The following PCDHA5 variants were observed in gnomAD, a reference collection of about 807,000 sequenced individuals.
PCDHA5 encodes protocadherin alpha 5, also known as protocadherin alpha-5.
In PCDHA5, 43 loss-of-function variants were observed where a neutral mutation model predicts 61.6. The observed-to-expected ratio is 0.70, with a 90% confidence interval of 0.55 to 0.90. PCDHA5 has a LOEUF of 0.90. Among genes scored for constraint, PCDHA5 ranks in the 40% least tolerant of loss-of-function variants. PCDHA5 has a pLI of 0.00. For synonymous variants in PCDHA5, 627 were observed against 543.9 expected, an observed-to-expected ratio of 1.15 and a Z score of -2.13; for missense variants, 1,298 against 1,222.7, an observed-to-expected ratio of 1.06 and a Z score of -0.92.
intron 1 of PCDHA5, chr5:140,882,698 G>GA: frequency 6.2e-7 from 1 of 1,614,200 alleles, no homozygotes; most frequent in Non-Finnish European, 8.5e-7. Flanking sequence ...AATCATTGCA[G>GA]AATCTAGACC....
rs2150361317 is a variant in PCDHA5, at chr5:140,843,502, C to A, written c.2352+19375C>A. The A allele has an allele frequency of 3.1e-6, 5 of 1,595,926 alleles. 1 individual carries two copies. The highest frequency in any genetic ancestry group is 4.3e-6 in the Non-Finnish European group (5 of 1,165,570). On this transcript the variant is annotated intron_variant, in intron 1 of 3. Transcript: ENST00000529859. ...CTGCGCTGCGGTGCTCAGCACTGCC[C>A]ACTGAGGGCGGGTGCCGGGCGGGCA...
intron 1 of PCDHA5, among the ~76,000 whole-genome samples, chr5:140,900,909 G>T (rs1470878423): frequency 1.3e-5 from 2 of 152,184 alleles, no homozygotes; most frequent in Middle Eastern, 3.4e-3. Context: ...TTTAACTGTG[G>T]TAAGATGATA....
intron 1 of PCDHA5, chr5:140,861,317 C>T (rs1369177112): frequency 4.6e-6 from 1 of 217,818 alleles, no homozygotes; most frequent in Admixed American, 5.2e-5. Context: ...GGACCAGTTC[C>T]ACTACACCAT....
At chr5:140,984,790 G>A (rs2097121430) in intron 3 of PCDHA5, among the ~76,000 whole-genome samples, 1 of 152,104 alleles carries the variant, frequency 6.6e-6, no homozygotes, top group Admixed American at 6.5e-5. Flanking sequence ...GGTGAGCATA[G>A]ACAAACTGCC....
At position 140,823,576 on chromosome 5, in the gene PCDHA5, G is replaced by A. The variant is rs2150127070; in HGVS notation, c.1801G>A (p.Gly601Ser). 4 of 1,613,976 alleles carry A rather than the reference G, an allele frequency of 2.5e-6. No individual in the cohort carries two copies. In the East Asian group the frequency reaches 6.7e-5, roughly 27 times the overall value. The change falls in exon 1 of 4, where the codon GGC (glycine) becomes AGC (serine). Residue 601 changes from glycine (G) to serine (S), a missense_variant. By Grantham distance (56) the Gly-to-Ser change is moderately conservative. Coordinates refer to ENST00000529859, the MANE Select transcript of PCDHA5 (RefSeq NM_018908.3). ...AKVRAVDPDS[G>S]YNAWLSYELQ... ...GGTGCGCGCAGTGGACCCTGATTCG[G>A]GCTACAACGCTTGGCTTTCGTATGA...
chr5:140,914,528 A>G (rs1333576504), intron 1 of PCDHA5, among the ~76,000 whole-genome samples: 2 of 152,114 alleles, frequency 1.3e-5, no homozygotes, highest in African/African-American at 4.8e-5. Flanking sequence ...TCATCCATTC[A>G]GCCACTTTAT....
intron 1 of PCDHA5, chr5:140,969,509 C>A: frequency 7.1e-7 from 1 of 1,416,136 alleles, no homozygotes; most frequent in Non-Finnish European, 9.4e-7. Context: ...AAAAATAGCA[C>A]TAAAGAATTG....
intron 1 of PCDHA5, chr5:140,828,097 G>A: frequency 6.2e-7 from 1 of 1,606,162 alleles, no homozygotes; most frequent in Non-Finnish European, 8.5e-7. Flanking sequence ...TTGACATGGT[G>A]TTTACCCCGG....
rs1465776999 is a variant in PCDHA5 at position 140,824,628 on chromosome 5, TTTTTA to T, written c.2352+506_2352+510del. ...AATTAAAGTTTTTTTTTTTTTTTTT[TTTTTA>T]TTTTCTGTAGAGATAGGGGTCTTGC... On this transcript the variant is annotated intron_variant, in intron 1 of 3. Coordinates refer to ENST00000529859, the MANE Select transcript of PCDHA5 (RefSeq NM_018908.3). The T allele has an allele frequency of 8.8e-4, 116 of 131,430 alleles. 1 individual carries two copies. Among genetic ancestry groups the T allele is most frequent in the African/African-American group, 3.0e-3 (87 of 28,634 alleles). 8.1% of individuals were successfully genotyped at this position (131,430 alleles called of 1,614,324 possible). A position where few individuals can be genotyped will look rare whatever the true frequency, so the allele number is the denominator to read the frequency against.
chr5:140,889,583 G>C (rs1373487919), intron 1 of PCDHA5, among the ~76,000 whole-genome samples: 1 of 151,554 alleles, frequency 6.6e-6, no homozygotes, highest in African/African-American at 2.4e-5. Context: ...TTTTGTTTTT[G>C]CTTTGAAATA....
chr5:140,967,858 G>C lies in PCDHA5; in HGVS notation c.2353-11091G>C, dbSNP rs2096190865. ...TGGACGTGAATGACAATGCCCCAGA[G>C]GTGGTGCTCACGGACCTGTATAGCC... On this transcript the variant is annotated intron_variant, in intron 1 of 3. Coordinates refer to ENST00000529859, the MANE Select transcript of PCDHA5 (RefSeq NM_018908.3). 6 of 1,614,166 alleles carry C rather than the reference G, an allele frequency of 3.7e-6. No homozygotes were observed. The East Asian group carries it at 1.3e-4, about 36-fold the overall frequency.
chr5:140,829,280 C>T, intron 1 of PCDHA5: 1 of 1,614,282 alleles, frequency 6.2e-7, no homozygotes, highest in Non-Finnish European at 8.5e-7. Flanking sequence ...CCCTTTCAAG[C>T]TGGTGTCCAC....
chr5:140,994,962 T>C (rs2097657475), intron 3 of PCDHA5, among the ~76,000 whole-genome samples: 2 of 152,208 alleles, frequency 1.3e-5, no homozygotes, highest in Admixed American at 1.3e-4. Flanking sequence ...TGTAGTTTCA[T>C]TTGTTGGCCA....
intron 1 of PCDHA5, chr5:140,855,847 C>A: frequency 3.1e-6 from 2 of 652,288 alleles, no homozygotes; most frequent in Non-Finnish European, 2.6e-6. Context: ...CACCTAAAGC[C>A]ACCGGATGTC....
chr5:140,827,680 C>A (rs2150148724), intron 1 of PCDHA5, among the ~76,000 whole-genome samples: 1 of 152,178 alleles, frequency 6.6e-6, no homozygotes, highest in Admixed American at 6.5e-5. Context: ...CTTAAATTTG[C>A]TGAACTGGTT....
chr5:140,916,475 C>T (rs2077583115), intron 1 of PCDHA5, among the ~76,000 whole-genome samples: 1 of 152,206 alleles, frequency 6.6e-6, no homozygotes, highest in South Asian at 2.1e-4. Flanking sequence ...TTATTTGGTG[C>T]CCAAGGGCTC....
chr5:141,003,343 GCT>G (rs1554259027), intron 3 of PCDHA5, among the ~76,000 whole-genome samples: 1 of 152,198 alleles, frequency 6.6e-6, no homozygotes, highest in Non-Finnish European at 1.5e-5. Context: ...TTGTTTGTTT[GCT>G]CTGTCACCCA....
rs1247556013 is a variant in PCDHA5 at position 140,824,084 on chromosome 5, C to T, written c.2309C>T (p.Ala770Val). 1.2e-6 allele frequency: 2 copies of T among 1,614,074 alleles called. No individual in the cohort carries two copies. Among genetic ancestry groups the T allele is most frequent in the African/African-American group, 1.3e-5 (1 of 74,944 alleles). ...GCTCCACCCAAAACAGACCTCATGG[C>T]CTTCAGTCCAAGCCTTCCTCAGGGT... ...GEAPPKTDLM[A>V]FSPSLPQGPT... is the part of the protein sequence containing the mutation. The change falls in exon 1 of 4, where the codon GCC becomes GTC. Residue 770 changes from alanine (A) to valine (V), a missense_variant. Coordinates refer to ENST00000529859, the MANE Select transcript of PCDHA5 (RefSeq NM_018908.3).
intron 1 of PCDHA5, chr5:140,841,564 T>C (rs2150318261): frequency 1.2e-6 from 2 of 1,613,882 alleles, no homozygotes; most frequent in South Asian, 1.1e-5. Flanking sequence ...GTCTGCAGAA[T>C]GGCATTTTGT....
Sources: allele counts gnomAD v4.1 joint callset (sites outside exome capture counted in the v4.1 genomes callset), GRCh38; gene constraint gnomAD v4.1.1; transcripts MANE v1.5; gene names NCBI Gene and HGNC (gene_info 2026-07-23, HGNC 2026-07-21).